MAGI3: variants seen among roughly 807,000 people sequenced by gnomAD.
MAGI3 encodes the protein membrane-associated guanylate kinase, WW and PDZ domain-containing protein 3.
A neutral mutation model predicts 121.8 loss-of-function variants in MAGI3; 43 were observed. The ratio of observed to expected loss-of-function variants is 0.35; its 90% confidence interval spans 0.28 to 0.46. MAGI3 has a LOEUF of 0.46. Among genes scored for constraint, MAGI3 ranks in the 20% least tolerant of loss-of-function variants. MAGI3 has a pLI of 1.00. For synonymous variants in MAGI3, 553 were observed against 639.3 expected (o/e 0.86, Z 2.04); for missense variants, 1,547 against 1,797.3 (o/e 0.86, Z 2.52).
chr1:113,592,376 C>A (rs748284550), intron 5 of MAGI3, among the ~76,000 whole-genome samples: 6 of 152,076 alleles, frequency 3.9e-5, no homozygotes, highest in Non-Finnish European at 8.8e-5. Flanking sequence ...TATTTCTTTT[C>A]ATTGGAAAAT....
chr1:113,646,358 CTG>C (rs1461663967), intron 11 of MAGI3, 126 bp from the exon 12 acceptor site: 2 of 634,132 alleles, frequency 3.2e-6, no homozygotes, highest in Non-Finnish European at 2.5e-6. Context: ...TGTAAATCTG[CTG>C]TGTCTTTGAT....
chr1:113,557,542 A>G (rs539071961), intron 2 of MAGI3, among the ~76,000 whole-genome samples: 188 of 151,872 alleles, frequency 1.2e-3, no homozygotes, highest in African/African-American at 4.1e-3. Flanking sequence ...GCCACCACCC[A>G]TGTTCTATGG....
At chr1:113,513,763 C>A (rs897814566) in intron 1 of MAGI3, among the ~76,000 whole-genome samples, 5 of 152,114 alleles carry the variant, frequency 3.3e-5, no homozygotes, top group African/African-American at 9.7e-5. Flanking sequence ...GCAACAAAAG[C>A]CAAAATTGAC....
Position 113,391,337 on chromosome 1 carries a change from A to T in MAGI3, c.304A>T (p.Thr102Ser). 2.5e-6 allele frequency: 4 copies of T among 1,595,970 alleles called. No individual in the cohort carries two copies. The highest frequency in any genetic ancestry group is 3.4e-6 in the Non-Finnish European group (4 of 1,172,102). The change falls in exon 1 of 21, where the codon ACT becomes TCT. Residue 102 changes from threonine to serine, a missense_variant. Coordinates refer to ENST00000307546, the MANE Select transcript of MAGI3 (RefSeq NM_001142782.2). The surrounding 1 kb of genome is among the most constrained non-coding windows in gnomAD (Gnocchi z 4.4). ...CTTCCGCGAGCCCATCCGTCTCAAG[A>T]CTGTGAAACCAGGTACGCCGGCCCT... ...RHFREPIRLK[T>S]VKPGKVINKD...
chr1:113,613,335 C>T (rs1033346497), intron 6 of MAGI3, among the ~76,000 whole-genome samples: 1 of 152,092 alleles, frequency 6.6e-6, no homozygotes, highest in Non-Finnish European at 1.5e-5. Flanking sequence ...TTTGAAACCA[C>T]CAATCAATAT....
chr1:113,654,638 A>G (rs1653370577), intron 15 of MAGI3, among the ~76,000 whole-genome samples: 2 of 152,194 alleles, frequency 1.3e-5, no homozygotes, highest in Admixed American at 6.5e-5. Context: ...AGATGAATGT[A>G]TTTATATCAG....
At chr1:113,656,415 T>C (rs1653471168) in intron 15 of MAGI3, among the ~76,000 whole-genome samples, 1 of 151,072 alleles carries the variant, frequency 6.6e-6, no homozygotes, top group African/African-American at 2.5e-5. Flanking sequence ...AGTATTTTCT[T>C]TTTCTTTTTT....
At chr1:113,644,562 T>C (rs2101827490) in intron 11 of MAGI3, among the ~76,000 whole-genome samples, 1 of 152,326 alleles carries the variant, frequency 6.6e-6, no homozygotes, top group Middle Eastern at 3.4e-3. Context: ...ATTACAGGCA[T>C]GATACACCAC....
At chr1:113,631,218 G>A (rs370274109) in intron 9 of MAGI3, among the ~76,000 whole-genome samples, 8 of 152,186 alleles carry the variant, frequency 5.3e-5, no homozygotes, top group East Asian at 1.9e-4. Flanking sequence ...GGCAATTCCA[G>A]ACTGCCTTTC....
At chr1:113,615,384 A>G (rs946672497) in intron 7 of MAGI3, among the ~76,000 whole-genome samples, 2 of 152,182 alleles carry the variant, frequency 1.3e-5, no homozygotes, top group African/African-American at 4.8e-5. Flanking sequence ...CTTCTATCAG[A>G]AACATTACTA....
intron 9 of MAGI3, among the ~76,000 whole-genome samples, 167 bp from the exon 10 acceptor site, chr1:113,641,744 G>T (rs938472405): frequency 3.7e-4 from 56 of 152,048 alleles, no homozygotes; most frequent in African/African-American, 1.3e-3. Flanking sequence ...TTAGAGAGGA[G>T]TTAGAAAAGG....
At chr1:113,572,318 G>A (rs569076899) in intron 2 of MAGI3, among the ~76,000 whole-genome samples, 53 of 152,210 alleles carry the variant, frequency 3.5e-4, no homozygotes, top group African/African-American at 1.1e-3. Context: ...GAGGTTTTTC[G>A]CATCGATGTT....
intron 1 of MAGI3, among the ~76,000 whole-genome samples, chr1:113,530,578 T>A (rs1331613986): frequency 6.6e-6 from 1 of 150,994 alleles, no homozygotes; most frequent in Non-Finnish European, 1.5e-5. Flanking sequence ...ACTGCACATG[T>A]ACCCAGAAAC....
At chr1:113,413,247 T>C (rs1355031101) in intron 1 of MAGI3, among the ~76,000 whole-genome samples, 1 of 152,360 alleles carries the variant, frequency 6.6e-6, no homozygotes, top group East Asian at 1.9e-4. Flanking sequence ...ATATCTGTTT[T>C]GGTACAAGTA....
rs765686943 is a variant in MAGI3, at chr1:113,573,614, A to G, written c.434-6928A>G. ...TTTGCTGAGGAGTGTTTTATTTCCA[A>G]TTATGTGGTTGATTTTAGAATAAGT... On this transcript the variant is annotated intron_variant, in intron 2 of 20. Transcript: ENST00000307546. Among the ~76,000 whole-genome samples the G allele has an allele frequency of 2.6e-5, 4 of 152,248 alleles. No individual in the cohort carries two copies. The East Asian group carries it at 5.8e-4, about 22-fold the overall frequency.
intron 2 of MAGI3, among the ~76,000 whole-genome samples, chr1:113,564,550 T>C (rs957778590): frequency 1.4e-4 from 22 of 152,248 alleles, no homozygotes; most frequent in African/African-American, 4.8e-4. Flanking sequence ...CTCTACTTGA[T>C]ACAGATGTCT....
chr1:113,615,355 G>A lies in MAGI3; in HGVS notation c.1076+697G>A, dbSNP rs141699094. 1.1e-3 allele frequency among the ~76,000 whole-genome samples: 174 copies of A among 152,184 alleles called. 3 individuals carry two copies. The highest frequency in any genetic ancestry group is 0.01 in the Admixed American group (154 of 15,284). On this transcript the variant is annotated intron_variant, in intron 7 of 20. Coordinates refer to ENST00000307546, the MANE Select transcript of MAGI3 (RefSeq NM_001142782.2). ...CTAAACACTGAATTTGACCTCAAGC[G>A]TCTAGCAGCAGGCAAATACTTCTAT...
intron 5 of MAGI3, among the ~76,000 whole-genome samples, chr1:113,593,519 T>G (rs1050713853): frequency 1.3e-5 from 2 of 152,114 alleles, no homozygotes; most frequent in Non-Finnish European, 2.9e-5. Context: ...CTCCAACCTG[T>G]GCAACAGAGC....
intron 1 of MAGI3, among the ~76,000 whole-genome samples, chr1:113,505,741 G>A (rs1250292373): frequency 6.6e-6 from 1 of 152,134 alleles, no homozygotes; most frequent in African/African-American, 2.4e-5. Flanking sequence ...CAGCCCAACT[G>A]TATATCTGGG....
Sources: allele counts gnomAD v4.1 joint callset (sites outside exome capture counted in the v4.1 genomes callset), GRCh38; gene constraint gnomAD v4.1.1; non-coding constraint Gnocchi (gnomAD v3.1); transcripts MANE v1.5; gene names NCBI Gene and HGNC (gene_info 2026-07-23, HGNC 2026-07-21).